Variants in ZNF148 observed in about 807,000 individuals in gnomAD.
ZNF148 encodes Beta-Enolase Repressor Factor-1.
In ZNF148, 7 loss-of-function variants were observed where a neutral mutation model predicts 67.7. The observed-to-expected ratio is 0.10, with a 90% CI of 0.06 to 0.19. ZNF148 has a LOEUF of 0.19. Among genes scored for constraint, ZNF148 ranks in the 10% least tolerant of loss-of-function variants. The probability of loss-of-function intolerance (pLI) is 1.00; values close to 1 mark genes in which losing one functional copy is unlikely to be tolerated. For synonymous variants in ZNF148, 333 were observed against 330.7 expected (o/e 1.01, Z -0.08); for missense variants, 583 against 947.1 (o/e 0.62, Z 5.05).
intron 1 of ZNF148, among the ~76,000 whole-genome samples, chr3:125,364,991 C>A (rs1298429458): frequency 1.3e-5 from 2 of 152,148 alleles, no homozygotes; most frequent in Non-Finnish European, 2.9e-5. Flanking sequence ...GGAAAGCCAA[C>A]CCTCACCTTC....
chr3:125,358,045 C>T (rs1942420295), intron 1 of ZNF148, among the ~76,000 whole-genome samples: 1 of 152,204 alleles, frequency 6.6e-6, no homozygotes, highest in African/African-American at 2.4e-5. Context: ...GGCGCGGGGA[C>T]TCAGGCCTGT....
At chr3:125,259,815 C>T (rs1937255699) in intron 7 of ZNF148, among the ~76,000 whole-genome samples, 1 of 152,164 alleles carries the variant, frequency 6.6e-6, no homozygotes, top group African/African-American at 2.4e-5. Context: ...CACAACTTGG[C>T]TTACTGGCAC....
intron 1 of ZNF148, among the ~76,000 whole-genome samples, chr3:125,355,231 A>G (rs933733315): frequency 6.6e-6 from 1 of 152,256 alleles, no homozygotes; most frequent in African/African-American, 2.4e-5. Flanking sequence ...AGAGATATCA[A>G]TTAGATTACA....
At chr3:125,355,795 C>T (rs369361529) in intron 1 of ZNF148, among the ~76,000 whole-genome samples, 2 of 151,232 alleles carry the variant, frequency 1.3e-5, no homozygotes, top group East Asian at 3.9e-4. Flanking sequence ...CTAATGAAAA[C>T]ATTAATTAAA....
intron 3 of ZNF148, among the ~76,000 whole-genome samples, chr3:125,320,788 G>A (rs573138763): frequency 6.6e-6 from 1 of 152,296 alleles, no homozygotes; most frequent in South Asian, 2.1e-4. Context: ...AAAAAAGCTA[G>A]ATTTCACAAA....
Position 125,316,972 on chromosome 3 carries a change from G to A in ZNF148, c.-16-3316C>T, listed in dbSNP as rs145846782. 8.3e-4 allele frequency among the ~76,000 whole-genome samples: 126 copies of A among 152,302 alleles called. 2 individuals are homozygous for A. The highest frequency in any genetic ancestry group is 2.8e-3 in the African/African-American group (117 of 41,570). On this transcript the variant is annotated intron_variant, in intron 3 of 8. Coordinates refer to ENST00000360647, the MANE Select transcript of ZNF148 (RefSeq NM_021964.3). ...GAAAAAAGGCATAAAGTACTAGAGTGAGAGACTTGGAACAGGAAGAGAGCA... is the reference window on the plus strand; with the variant it reads ...GAAAAAAGGCATAAAGTACTAGAGTAAGAGACTTGGAACAGGAAGAGAGCA...
At chr3:125,303,027 A>C (rs7615040) in intron 4 of ZNF148, among the ~76,000 whole-genome samples, 117,244 of 152,102 alleles carry the variant, frequency 0.77, 45,741 homozygotes, top group African/African-American at 0.85. Flanking sequence ...ACTACAAAAC[A>C]AACAGTAAGA....
intron 7 of ZNF148, among the ~76,000 whole-genome samples, chr3:125,244,493 T>C (rs1361847869): frequency 1.3e-5 from 2 of 151,918 alleles, no homozygotes; most frequent in Admixed American, 6.6e-5. Context: ...TCTTCAGAAA[T>C]CTTTTTTGTT....
At chr3:125,340,077 C>T (rs995192563) in intron 1 of ZNF148, among the ~76,000 whole-genome samples, 2 of 152,082 alleles carry the variant, frequency 1.3e-5, no homozygotes, top group African/African-American at 4.8e-5. Context: ...GGTAAAAAGG[C>T]AGTAAACCAA....
At chr3:125,325,215 G>A (rs1365044166) in intron 2 of ZNF148, among the ~76,000 whole-genome samples, 1 of 152,040 alleles carries the variant, frequency 6.6e-6, no homozygotes. Flanking sequence ...TAAGAATACA[G>A]TAACAGAAAT....
At chr3:125,347,750 C>T (rs1941999883) in intron 1 of ZNF148, among the ~76,000 whole-genome samples, 1 of 151,852 alleles carries the variant, frequency 6.6e-6, no homozygotes, top group African/African-American at 2.4e-5. Context: ...AGGCTGGACT[C>T]GAACTCCTGG....
chr3:125,304,600 C>T (rs1052573721), intron 4 of ZNF148, among the ~76,000 whole-genome samples: 4 of 152,052 alleles, frequency 2.6e-5, no homozygotes, highest in African/African-American at 7.3e-5. Flanking sequence ...GGTTTCTCAC[C>T]GTCTAATGTA....
chr3:125,238,432 G>A (rs997135920), intron 7 of ZNF148, among the ~76,000 whole-genome samples: 39 of 151,784 alleles, frequency 2.6e-4, no homozygotes, highest in African/African-American at 8.2e-4. Flanking sequence ...GTTCAAGACC[G>A]GTCTGGCCAA....
intron 4 of ZNF148, chr3:125,311,387 C>T (rs1256762399): frequency 6.6e-6 from 1 of 152,344 alleles, no homozygotes; most frequent in Non-Finnish European, 1.5e-5. Context: ...AATGAGAACT[C>T]ATACCTTTTT....
intron 1 of ZNF148, among the ~76,000 whole-genome samples, chr3:125,358,698 A>G (rs1417677120): frequency 6.6e-6 from 1 of 152,212 alleles, no homozygotes; most frequent in Non-Finnish European, 1.5e-5. Context: ...CCTTAAAACT[A>G]ATTATACAAC....
At chr3:125,319,689 T>C (rs1940684773) in intron 3 of ZNF148, among the ~76,000 whole-genome samples, 1 of 152,228 alleles carries the variant, frequency 6.6e-6, no homozygotes, top group South Asian at 2.1e-4. Flanking sequence ...CACCTTTAAA[T>C]ATATTACCTT....
At chr3:125,262,390 G>A (rs111671758) in intron 7 of ZNF148, among the ~76,000 whole-genome samples, 65 of 152,354 alleles carry the variant, frequency 4.3e-4, no homozygotes, top group African/African-American at 1.5e-3. Flanking sequence ...CGAAATTGTA[G>A]TTTGAGCTTG....
chr3:125,278,497 C>T (rs1938194666), intron 6 of ZNF148, among the ~76,000 whole-genome samples: 1 of 152,134 alleles, frequency 6.6e-6, no homozygotes, highest in Non-Finnish European at 1.5e-5. Context: ...TGAAAAGCTA[C>T]TTGTGATCTC....
intron 2 of ZNF148, among the ~76,000 whole-genome samples, chr3:125,328,201 T>C (rs1941112777): frequency 6.6e-6 from 1 of 152,154 alleles, no homozygotes. Context: ...TCAGAGATGC[T>C]ACAACCTGGA....
Sources: gnomAD v4.1 joint callset for allele counts (sites outside exome capture counted in the v4.1 genomes callset) on GRCh38, gnomAD v4.1.1 for gene constraint, MANE v1.5 for transcripts, NCBI Gene and HGNC (gene_info 2026-07-23, HGNC 2026-07-21) for gene names.